The following ELAPOR2 variants were observed in gnomAD, a reference collection of about 807,000 sequenced individuals.
ELAPOR2 encodes the protein endosome/lysosome-associated apoptosis and autophagy regulator family member 2.
ELAPOR2 carries 89 observed loss-of-function variants against 120.7 expected under a neutral mutation model. The ratio of observed to expected loss-of-function variants is 0.74; its 90% CI spans 0.62 to 0.88. ELAPOR2 has a LOEUF of 0.88. ELAPOR2 is among the 40% of genes least tolerant of loss of function. The probability of loss-of-function intolerance (pLI) is 0.00; values close to 1 mark genes in which losing one functional copy is unlikely to be tolerated. For synonymous variants in ELAPOR2, 444 were observed against 444.9 expected, an observed-to-expected ratio of 1.00 and a Z score of 0.03; for missense variants, 1,134 against 1,251.6, an observed-to-expected ratio of 0.91 and a Z score of 1.42.
intron 2 of ELAPOR2, among the ~76,000 whole-genome samples, 167 bp from the exon 3 acceptor site, chr7:86,948,089 C>G (rs777332792): frequency 8.3e-4 from 127 of 152,188 alleles, no homozygotes; most frequent in Non-Finnish European, 1.7e-3. Context: ...TGGTTCCAAC[C>G]TATTTTTCCA....
chr7:86,974,437 G>T (rs1187447137), intron 1 of ELAPOR2, among the ~76,000 whole-genome samples: 1 of 151,902 alleles, frequency 6.6e-6, no homozygotes, highest in Non-Finnish European at 1.5e-5. Context: ...ATAAGAGACT[G>T]GTTAATAAAT....
intron 16 of ELAPOR2, 147 bp downstream of exon 16, chr7:86,909,665 C>T (rs1789202321): frequency 3.2e-6 from 2 of 631,118 alleles, no homozygotes; most frequent in Non-Finnish European, 5.2e-6. Context: ...CTAGTAGGAG[C>T]TTTTTAACCA....
intron 1 of ELAPOR2, among the ~76,000 whole-genome samples, chr7:87,039,095 T>C (rs1250121523): frequency 2.0e-5 from 3 of 152,028 alleles, no homozygotes; most frequent in African/African-American, 7.2e-5. Flanking sequence ...CAACTGATAC[T>C]GCAGAAATGC....
Position 86,938,829 on chromosome 7 carries a change from T to C in ELAPOR2, c.979A>G (p.Lys327Glu), listed in dbSNP as rs536561029. The C allele has an allele frequency of 6.4e-5, 104 of 1,613,282 alleles. 1 individual carries two copies. The South Asian group carries it at 7.1e-4, about 11-fold the overall frequency. The stretch of plus-strand genomic sequence containing the variant: ...CTACCTGAAAATTGAGAGTCGTCTT[T>C]ACACCTTATACATTCTTTGGCTCCT... ...EKGAKECIRC[K>E]DDSQFSEEGS... The change falls in exon 7 of 22, where the codon AAA (lysine) becomes GAA (glutamate). Residue 327 changes from lysine (K) to glutamate (E), a missense_variant. Physicochemically the swap from Lys to Glu is moderately conservative, Grantham distance 56. Coordinates refer to ENST00000450689, the MANE Select transcript of ELAPOR2 (RefSeq NM_001142749.3).
In ELAPOR2 at chr7:87,022,096, T is replaced by C. The variant is rs924108330; in HGVS notation, c.189+37229A>G. The stretch of plus-strand genomic sequence containing the variant: ...TTATTTATTTATTTATTTTGTATTA[T>C]ACTTTAAGTTTTAGGGTACATGTGC... On this transcript the variant is annotated intron_variant, in intron 1 of 21. Transcript: ENST00000450689. Among the ~76,000 whole-genome samples, 5 of 152,298 alleles carry C rather than the reference T, an allele frequency of 3.3e-5. No homozygotes were observed. The South Asian group carries it at 1.0e-3, about 32-fold the overall frequency.
chr7:86,951,002 G>C (rs1263141611), intron 2 of ELAPOR2, among the ~76,000 whole-genome samples: 1 of 152,168 alleles, frequency 6.6e-6, no homozygotes, highest in South Asian at 2.1e-4. Context: ...AATGGTCTAT[G>C]GATCTTCTAG....
intron 1 of ELAPOR2, among the ~76,000 whole-genome samples, chr7:86,983,113 A>T (rs1483396861): frequency 2.0e-5 from 3 of 152,202 alleles, no homozygotes; most frequent in African/African-American, 4.8e-5. Flanking sequence ...TTAATGAAAT[A>T]GAGCAAGAAG....
intron 21 of ELAPOR2, among the ~76,000 whole-genome samples, chr7:86,881,927 C>G (rs1799427993): frequency 6.6e-6 from 1 of 152,150 alleles, no homozygotes; most frequent in African/African-American, 2.4e-5. Context: ...GAGTAGCTGT[C>G]AGGAAGGGTA....
Position 86,907,736 on chromosome 7 carries a change from C to A in ELAPOR2, c.2492G>T (p.Arg831Leu). Residue 831 changes from arginine (R) to leucine (L), a missense_variant, in exon 18 of 22, where the codon CGA becomes CTA. This residue lies in a region of ELAPOR2 where 831 missense variants were observed against 867.6 expected (regional missense o/e 0.96). Transcript: ENST00000450689. ...STATTSCING[R>L]STAVKMRCNP... ...ACACCTCATTTTCACAGCAGTTGAT[C>A]GGCCATTAATACAAGATGTTGTTGC... is the stretch of plus-strand genomic sequence containing the variant. 6.4e-7 allele frequency: 1 copy of A among 1,573,726 alleles called. No individual in the cohort carries two copies. The highest frequency in any genetic ancestry group is 8.6e-7 in the Non-Finnish European group (1 of 1,167,036).
At chr7:87,037,484 A>G (rs1431587665) in intron 1 of ELAPOR2, among the ~76,000 whole-genome samples, 1 of 152,178 alleles carries the variant, frequency 6.6e-6, no homozygotes, top group African/African-American at 2.4e-5. Flanking sequence ...TCCTGAAAAT[A>G]AGATGTCTTT....
At chr7:86,990,578 T>C (rs1273017113) in intron 1 of ELAPOR2, among the ~76,000 whole-genome samples, 2 of 152,206 alleles carry the variant, frequency 1.3e-5, no homozygotes, top group South Asian at 2.1e-4. Flanking sequence ...ACTAAAAGAG[T>C]TCATTTCTTC....
At chr7:86,912,389 A>T (rs1789356377) in intron 14 of ELAPOR2, 144 bp from the exon 15 acceptor site, 1 of 459,774 alleles carries the variant, frequency 2.2e-6, no homozygotes, top group Admixed American at 3.5e-5. Flanking sequence ...TAATATAAAG[A>T]ATTTCTAAAC....
chr7:86,985,142 T>C (rs1189086684), intron 1 of ELAPOR2, among the ~76,000 whole-genome samples: 3 of 151,996 alleles, frequency 2.0e-5, no homozygotes, highest in Admixed American at 1.3e-4. Context: ...CAGGAAGAAA[T>C]TGAAAATTGA....
chr7:86,905,204 G>A (rs1327512610), intron 18 of ELAPOR2, among the ~76,000 whole-genome samples: 1 of 148,250 alleles, frequency 6.7e-6, no homozygotes, highest in Non-Finnish European at 1.5e-5. Flanking sequence ...GAGAGAGAGA[G>A]AAAGAGAGAG....
intron 8 of ELAPOR2, among the ~76,000 whole-genome samples, chr7:86,934,190 G>T (rs922799935): frequency 1.4e-4 from 21 of 151,872 alleles, no homozygotes; most frequent in Admixed American, 2.6e-4. Context: ...CGGGAACAAT[G>T]TCATATAAAA....
intron 10 of ELAPOR2, among the ~76,000 whole-genome samples, chr7:86,920,373 G>C (rs929845401): frequency 3.9e-5 from 6 of 152,140 alleles, no homozygotes; most frequent in African/African-American, 1.4e-4. Flanking sequence ...CTTGACTGCA[G>C]TATAAGCAAT....
chr7:87,048,860 T>C (rs4727139), intron 1 of ELAPOR2, among the ~76,000 whole-genome samples: 93,836 of 152,170 alleles, frequency 0.62, 30,477 homozygotes, highest in East Asian at 0.89. Context: ...GTTTTCAGTG[T>C]TGTCCAGAGT....
At chr7:87,044,879 A>G (rs554507904) in intron 1 of ELAPOR2, among the ~76,000 whole-genome samples, 2,429 of 149,206 alleles carry the variant, frequency 0.016, 55 homozygotes, top group African/African-American at 0.057. Flanking sequence ...GCTAATATCC[A>G]GAATCTACAA....
intron 4 of ELAPOR2, 23 bp downstream of exon 4, chr7:86,944,876 T>A: frequency 6.6e-7 from 1 of 1,514,952 alleles, no homozygotes; most frequent in Non-Finnish European, 8.8e-7. Flanking sequence ...AAAAAGTAAA[T>A]TCCAGAATAC....
Sources: allele counts gnomAD v4.1 joint callset (sites outside exome capture counted in the v4.1 genomes callset), GRCh38; gene constraint gnomAD v4.1.1; regional missense constraint gnomAD v4.1.1; transcripts MANE v1.5; gene names NCBI Gene and HGNC (gene_info 2026-07-23, HGNC 2026-07-21).